The following ARHGEF2 variants were observed in gnomAD, a reference collection of about 807,000 sequenced individuals.
ARHGEF2 encodes the protein Rho/Rac guanine nucleotide exchange factor 2, also known as rho guanine nucleotide exchange factor 2.
A neutral mutation model predicts 121.0 loss-of-function variants in ARHGEF2; 22 were observed. That is an observed-to-expected ratio of 0.18 (90% CI 0.13 to 0.26). The LOEUF (loss-of-function observed/expected upper bound fraction) is 0.26. ARHGEF2 is among the 10% of genes least tolerant of loss of function. ARHGEF2 has a pLI of 1.00. For missense variants in ARHGEF2, 907 were observed against 1,336.0 expected (o/e 0.68, Z 5.01); for synonymous variants, 487 against 530.0 (o/e 0.92, Z 1.11).
At position 155,965,364 on chromosome 1, in the gene ARHGEF2, C is replaced by A; in HGVS notation, c.519G>T (p.Gln173His). 6.2e-7 allele frequency: 1 copy of A among 1,614,178 alleles called. No individual in the cohort carries two copies. Among genetic ancestry groups the A allele is most frequent in the East Asian group, 2.2e-5 (1 of 44,882 alleles). ...TCCGCATGTTGAGGGAGTCTGTGGA[C>A]TGTGAGAGGATCCGGCGCAGCCCCA... Reference protein sequence around the residue: ...SPLGLRRILSQSTDSLNMRNR... With the variant: ...SPLGLRRILSHSTDSLNMRNR... The change falls in exon 6 of 22, where the codon CAG (glutamine) becomes CAT (histidine). Residue 173 changes from glutamine to histidine, a missense_variant. Coordinates refer to ENST00000361247, the MANE Select transcript of ARHGEF2 (RefSeq NM_001162383.2). This position sits in a 1 kb window ranked among gnomAD's most constrained non-coding sequence, Gnocchi z 6.0.
At position 155,957,753 on chromosome 1, in the gene ARHGEF2, G is replaced by A. The variant is rs1462550249; in HGVS notation, c.1675C>T (p.Arg559Trp). The change falls in exon 13 of 22, where the codon CGG becomes TGG. Residue 559 changes from arginine to tryptophan, a missense_variant. Physicochemically the swap from Arg to Trp is moderately radical, Grantham distance 101 (BLOSUM62 -3). Transcript: ENST00000361247. ...YEVHTASRDD[R>W]STWIRVIQQS... ...TGAATGACCCGGATCCAGGTGCTCCGGTCATCCCGGGATGCTGTGTGCACC... is the reference window on the plus strand; with the variant it reads ...TGAATGACCCGGATCCAGGTGCTCCAGTCATCCCGGGATGCTGTGTGCACC... 2.5e-6 allele frequency: 4 copies of A among 1,613,998 alleles called. No individual in the cohort carries two copies. Among genetic ancestry groups the A allele is most frequent in the Non-Finnish European group, 3.4e-6 (4 of 1,179,986 alleles).
Position 155,964,159 on chromosome 1 carries a change from A to AT in ARHGEF2, c.724+828_724+829insA, listed in dbSNP as rs1333078339. Among the ~76,000 whole-genome samples the AT allele has an allele frequency of 5.3e-3, 316 of 59,256 alleles. 20 individuals carry two copies. In the East Asian group the frequency reaches 0.11, roughly 21 times the overall value. 38.9% of individuals were successfully genotyped at this position (59,256 alleles called of 152,430 possible). A position where few individuals can be genotyped will look rare whatever the true frequency, so the allele number is the denominator to read the frequency against. ...GACTCTGCTTCAAAAAAAAAAAAAA[A>AT]AAAAAAAAATATATATATATATATA... On this transcript the variant is annotated intron_variant, in intron 7 of 21. Coordinates refer to ENST00000361247, the MANE Select transcript of ARHGEF2 (RefSeq NM_001162383.2).
intron 7 of ARHGEF2, among the ~76,000 whole-genome samples, chr1:155,963,795 C>T (rs1310486771): frequency 6.6e-6 from 1 of 152,040 alleles, no homozygotes; most frequent in African/African-American, 2.4e-5. Flanking sequence ...TCTCAGCCTC[C>T]CAAGTAGCTG....
chr1:155,969,615 G>A, intron 1 of ARHGEF2: 1 of 1,199,606 alleles, frequency 8.3e-7, no homozygotes, highest in Non-Finnish European at 1.0e-6. Flanking sequence ...CACCTTCCCA[G>A]CCCTAGCTCT....
intron 2 of ARHGEF2, 30 bp from the exon 3 acceptor site, chr1:155,966,917 G>T: frequency 6.2e-7 from 1 of 1,603,132 alleles, no homozygotes; most frequent in Non-Finnish European, 8.5e-7. Context: ...AGGGTGAAGG[G>T]AGGGCCGGGT....
At chr1:155,971,275 C>T (rs920200444) in intron 1 of ARHGEF2, among the ~76,000 whole-genome samples, 1 of 152,068 alleles carries the variant, frequency 6.6e-6, no homozygotes, top group Non-Finnish European at 1.5e-5. Context: ...CAAATTATAC[C>T]TCTTTAGAAG....
chr1:155,978,457 G>A lies in ARHGEF2; in HGVS notation c.-30C>T. 1 of 1,455,470 alleles carries A rather than the reference G, an allele frequency of 6.9e-7. No individual in the cohort carries two copies. Among genetic ancestry groups the A allele is most frequent in the Non-Finnish European group, 9.2e-7 (1 of 1,087,124 alleles). The allele number at this position is 1,455,470 out of a possible 1,614,324, so 90.2% of individuals were successfully genotyped here. On this transcript the variant is annotated 5_prime_UTR_variant, in exon 1 of 22. Coordinates refer to ENST00000361247, the MANE Select transcript of ARHGEF2 (RefSeq NM_001162383.2). This position sits in a 1 kb window ranked among gnomAD's most constrained non-coding sequence, Gnocchi z 4.1. Reference sequence around the variant, plus strand: ...GGACGGGGGGACCAGGGAGGACGCGGCGCGGACCCCGGCGTCCTGTATTGT... The same window carrying A: ...GGACGGGGGGACCAGGGAGGACGCGACGCGGACCCCGGCGTCCTGTATTGT...
At chr1:155,963,242 C>T in intron 7 of ARHGEF2, 59 bp from the exon 8 acceptor site, 2 of 1,576,326 alleles carry the variant, frequency 1.3e-6, no homozygotes, top group Non-Finnish European at 1.7e-6. Flanking sequence ...CTCGTGGGGC[C>T]CTAGGATAAG....
At position 155,950,124 on chromosome 1, in the gene ARHGEF2, C is replaced by T; in HGVS notation, c.2887+175G>A. ...CACCAACCAGTTGGAGGAGAGAGGCCCCTCCTGCTTCCTAGACTTCCACCA... is the reference window on the plus strand; with the variant it reads ...CACCAACCAGTTGGAGGAGAGAGGCTCCTCCTGCTTCCTAGACTTCCACCA... On this transcript the variant is annotated intron_variant, in intron 21 of 21. Transcript: ENST00000361247. The surrounding 1 kb of genome is among the most constrained non-coding windows in gnomAD (Gnocchi z 5.2). 2 of 735,872 alleles carry T rather than the reference C, an allele frequency of 2.7e-6. No homozygotes were observed. Among genetic ancestry groups the T allele is most frequent in the East Asian group, 5.3e-5 (2 of 37,886 alleles). The allele number at this position is 735,872 out of a possible 1,614,324, so 45.6% of individuals were successfully genotyped here. A position where few individuals can be genotyped will look rare whatever the true frequency, so the allele number is the denominator to read the frequency against.
In ARHGEF2 at chr1:155,966,901, G is replaced by A; in HGVS notation, c.209-14C>T. On this transcript the variant is annotated splice_polypyrimidine_tract_variant and intron_variant, in intron 2 of 21. Coordinates refer to ENST00000361247, the MANE Select transcript of ARHGEF2 (RefSeq NM_001162383.2). ...TCACATTGCAGGCTGGGAGGGTGGG[G>A]TAGAGAGGGTGAAGGGAGGGCCGGG... The A allele has an allele frequency of 6.2e-7, 1 of 1,612,796 alleles. No individual in the cohort carries two copies. The highest frequency in any genetic ancestry group is 1.1e-5 in the South Asian group (1 of 91,062).
chr1:155,968,653 C>T (rs1679893869), intron 2 of ARHGEF2: 1 of 154,290 alleles, frequency 6.5e-6, no homozygotes, highest in Non-Finnish European at 1.4e-5. Context: ...CTTGAAACAG[C>T]AGAGATTTCA....
intron 2 of ARHGEF2, chr1:155,968,153 A>T (rs188121023): frequency 6.6e-6 from 1 of 151,802 alleles, no homozygotes; most frequent in East Asian, 1.9e-4. Flanking sequence ...CACAACTCTA[A>T]ATTGAACAGT....
rs1337195931 is a variant in ARHGEF2 at position 155,962,644 on chromosome 1, CT to C, written c.1049del (p.Lys350SerfsTer20). The C allele has an allele frequency of 6.2e-7, 1 of 1,614,164 alleles. No homozygotes were observed. Among genetic ancestry groups the C allele is most frequent in the South Asian group, 1.1e-5 (1 of 91,088 alleles). ...CTCGGGCGTACAGCTCCTTATAGAGCTTTAAGGCCTTGCTGTGGCGGCTGCA... is the reference window on the plus strand; with the variant it reads ...CTCGGGCGTACAGCTCCTTATAGAGCTTAAGGCCTTGCTGTGGCGGCTGCA... ...EFCSRHSKAL[K>X]LYKELYARDK... On this transcript the variant is annotated frameshift_variant, in exon 9 of 22. Transcript: ENST00000361247. LOFTEE classifies it high-confidence loss of function. This position sits in a 1 kb window ranked among gnomAD's most constrained non-coding sequence, Gnocchi z 5.8.
intron 7 of ARHGEF2, among the ~76,000 whole-genome samples, chr1:155,964,191 T>C (rs1387644455): frequency 3.2e-4 from 40 of 124,614 alleles, no homozygotes; most frequent in African/African-American, 1.3e-3. Flanking sequence ...TATATATATA[T>C]ATATATACAT....
chr1:155,951,697 A>C lies in ARHGEF2; in HGVS notation c.2208+44T>G. On this transcript the variant is annotated intron_variant, in intron 18 of 21. Coordinates refer to ENST00000361247, the MANE Select transcript of ARHGEF2 (RefSeq NM_001162383.2). This position sits in a 1 kb window ranked among gnomAD's most constrained non-coding sequence, Gnocchi z 5.1. ...CTGGGCTCTAACTACTCAGACTAAG[A>C]ACATCCTCCCTTCAGTCTCCTATAC... 1.2e-6 allele frequency: 2 copies of C among 1,613,580 alleles called. No homozygotes were observed. Among genetic ancestry groups the C allele is most frequent in the Non-Finnish European group, 1.7e-6 (2 of 1,179,518 alleles).
chr1:155,964,809 CTTG>C (rs1283815962), intron 7 of ARHGEF2, among the ~76,000 whole-genome samples, 176 bp downstream of exon 7: 6 of 149,888 alleles, frequency 4.0e-5, no homozygotes, highest in African/African-American at 1.5e-4. Context: ...ATGAGAATCG[CTTG>C]AACCTGGGAG....
upstream of ARHGEF2, among the ~76,000 whole-genome samples, chr1:155,979,493 C>G (rs549480086): frequency 1.3e-5 from 2 of 152,372 alleles, no homozygotes; most frequent in South Asian, 2.1e-4. Context: ...CTCCTCCAGT[C>G]TAACTATGAT....
chr1:155,979,138 C>G (rs959927898), upstream of ARHGEF2: 55 of 985,364 alleles, frequency 5.6e-5, no homozygotes, highest in Non-Finnish European at 6.5e-5. Flanking sequence ...TCCCAGAGGT[C>G]GAAGAACAGA....
chr1:155,964,846 TC>T, intron 7 of ARHGEF2, 141 bp downstream of exon 7: 1 of 906,192 alleles, frequency 1.1e-6, no homozygotes, highest in Non-Finnish European at 1.6e-6. Flanking sequence ...TGAGCCGAGA[TC>T]ATGCCACTGC....
Sources: allele counts gnomAD v4.1 joint callset (sites outside exome capture counted in the v4.1 genomes callset), GRCh38; gene constraint gnomAD v4.1.1; non-coding constraint Gnocchi (gnomAD v3.1); transcripts MANE v1.5; gene names NCBI Gene and HGNC (gene_info 2026-07-23, HGNC 2026-07-21).